ZRANB1: variants seen among roughly 807,000 people sequenced by gnomAD.
ZRANB1 encodes ubiquitin thioesterase ZRANB1.
In ZRANB1, 16 loss-of-function variants were observed where a neutral mutation model predicts 80.5. The observed-to-expected ratio is 0.20, with a 90% CI of 0.13 to 0.30. The LOEUF is 0.30. ZRANB1 is among the 10% of genes least tolerant of loss of function. ZRANB1 has a pLI of 1.00. For missense variants in ZRANB1, 576 were observed against 862.6 expected, an observed-to-expected ratio of 0.67 and a Z score of 4.16; for synonymous variants, 291 against 293.1, an observed-to-expected ratio of 0.99 and a Z score of 0.07.
At chr10:124,928,022 G>A in the ZRANB1 span, among the ~76,000 whole-genome samples, 1 of 152,184 alleles carries the variant, frequency 6.6e-6, no homozygotes, top group Non-Finnish European at 1.5e-5. Flanking sequence ...GGGTGATAGA[G>A]CAAGACTGTC....
At chr10:124,931,862 G>A in the ZRANB1 span, among the ~76,000 whole-genome samples, 5 of 152,070 alleles carry the variant, frequency 3.3e-5, no homozygotes, top group Admixed American at 3.3e-4. Context: ...ATTTACAGTA[G>A]GATTCACTCT....
At chr10:124,961,025 A>C (rs1234626173) in intron 1 of ZRANB1, among the ~76,000 whole-genome samples, 1 of 150,466 alleles carries the variant, frequency 6.6e-6, no homozygotes, top group South Asian at 2.1e-4. Flanking sequence ...TTTTAGACAG[A>C]GTTTCGCTCT....
At chr10:124,957,803 T>A (rs1402584103) in intron 1 of ZRANB1, among the ~76,000 whole-genome samples, 1 of 152,126 alleles carries the variant, frequency 6.6e-6, no homozygotes, top group East Asian at 1.9e-4. Flanking sequence ...CTGCGCTTGC[T>A]GCACCCTCTG....
At chr10:124,922,585 C>T in the ZRANB1 span, among the ~76,000 whole-genome samples, 43 of 151,444 alleles carry the variant, frequency 2.8e-4, no homozygotes, top group African/African-American at 9.7e-4. Flanking sequence ...CTCCACCACC[C>T]GGCTTGAAGT....
chr10:124,976,640 C>T (rs1365905756), intron 5 of ZRANB1, among the ~76,000 whole-genome samples: 2 of 136,964 alleles, frequency 1.5e-5, no homozygotes, highest in Non-Finnish European at 3.0e-5. Context: ...GGCATGATCT[C>T]GGCTCACTGC....
At position 124,981,839 on chromosome 10, in the gene ZRANB1, C is replaced by T. The variant is rs759608962; in HGVS notation, c.1548+10C>T. On this transcript the variant is annotated intron_variant, in intron 6 of 8. Coordinates refer to ENST00000359653, the MANE Select transcript of ZRANB1 (RefSeq NM_017580.3). ...CTCTCTTGCTAGTCAGGTGAGGATG[C>T]TTCAAGTCTTGTTGCTTCTATGAGA... is the stretch of plus-strand genomic sequence containing the variant. 10 of 1,612,510 alleles carry T rather than the reference C, an allele frequency of 6.2e-6. No homozygotes were observed. Among genetic ancestry groups the T allele is most frequent in the Non-Finnish European group, 8.5e-6 (10 of 1,179,536 alleles).
intron 2 of ZRANB1, 117 bp from the exon 3 acceptor site, chr10:124,971,848 A>C (rs1034261885): frequency 1.5e-5 from 14 of 943,414 alleles, no homozygotes; most frequent in Admixed American, 2.9e-5. Context: ...AGTGTATTTT[A>C]AGATTAAAGA....
At position 124,942,272 on chromosome 10, in the gene ZRANB1, TGAGAA is replaced by T; in HGVS notation, c.-221_-217del. 5 of 1,370,732 alleles carry T rather than the reference TGAGAA, an allele frequency of 3.6e-6. No homozygotes were observed. The highest frequency in any genetic ancestry group is 1.5e-5 in the African/African-American group (1 of 68,720). 84.9% of individuals were successfully genotyped at this position (1,370,732 alleles called of 1,614,324 possible). A position where few individuals can be genotyped will look rare whatever the true frequency, so the allele number is the denominator to read the frequency against. On this transcript the variant is annotated 5_prime_UTR_variant, in exon 1 of 9. Coordinates refer to ENST00000359653, the MANE Select transcript of ZRANB1 (RefSeq NM_017580.3). ...ATCCCAGGGTCTAAGATTTTTTCTTTGAGAATTTATCTCCAGTGTTTCTATGGAAA... is the reference window on the plus strand; with the variant it reads ...ATCCCAGGGTCTAAGATTTTTTCTTTTTTATCTCCAGTGTTTCTATGGAAA...
chr10:124,936,599 G>A, the ZRANB1 span, among the ~76,000 whole-genome samples: 1 of 152,170 alleles, frequency 6.6e-6, no homozygotes, highest in Non-Finnish European at 1.5e-5. Context: ...TCACGATCCT[G>A]GTCTAGACCG....
In ZRANB1 at chr10:124,971,985, G is replaced by A. The variant is rs1257886903; in HGVS notation, c.1023G>A (p.Lys341=). ...LLTEVSQQAA[K]CIPAMVCPEL... is the part of the protein sequence containing the mutation. ...TTAAGGTGTCTCAACAAGCAGCAAA[G>A]TGTATTCCAGCAATGGTGTGTCCTG... Residue 341 remains lysine (K), a synonymous_variant, in exon 3 of 9, where the codon AAG becomes AAA. Coordinates refer to ENST00000359653, the MANE Select transcript of ZRANB1 (RefSeq NM_017580.3). 5.0e-6 allele frequency: 8 copies of A among 1,603,808 alleles called. No individual in the cohort carries two copies. Among genetic ancestry groups the A allele is most frequent in the African/African-American group, 2.7e-5 (2 of 74,600 alleles).
chr10:124,964,317 C>T (rs1004448528), intron 1 of ZRANB1, among the ~76,000 whole-genome samples: 1 of 152,178 alleles, frequency 6.6e-6, no homozygotes, highest in Non-Finnish European at 1.5e-5. Context: ...ATGTAGTCTG[C>T]ACCCCACCCC....
At chr10:124,967,710 G>GTA (rs1951787967) in intron 2 of ZRANB1, among the ~76,000 whole-genome samples, 1 of 152,004 alleles carries the variant, frequency 6.6e-6, no homozygotes, top group Non-Finnish European at 1.5e-5. Flanking sequence ...ATGGGAAGAG[G>GTA]GTTAGAGGGT....
intron 2 of ZRANB1, among the ~76,000 whole-genome samples, chr10:124,971,251 G>A (rs942922111): frequency 1.3e-5 from 2 of 152,190 alleles, no homozygotes; most frequent in African/African-American, 4.8e-5. Flanking sequence ...TGCAACATTT[G>A]TTGCTATTTA....
chr10:124,987,186 T>C lies in ZRANB1; in HGVS notation c.*2194T>C, dbSNP rs1473339058. 6.8e-6 allele frequency: 1 copy of C among 146,102 alleles called. No homozygotes were observed. The highest frequency in any genetic ancestry group is 1.5e-5 in the Non-Finnish European group (1 of 66,320). 9.1% of individuals were successfully genotyped at this position (146,102 alleles called of 1,614,324 possible). A position where few individuals can be genotyped will look rare whatever the true frequency, so the allele number is the denominator to read the frequency against. On this transcript the variant is annotated 3_prime_UTR_variant, in exon 9 of 9. Coordinates refer to ENST00000359653, the MANE Select transcript of ZRANB1 (RefSeq NM_017580.3). ...ACTATTAAAACAGCCATAATTATTG[T>C]CCCAAGATAGAATATAGTCCTTTTT... is the stretch of plus-strand genomic sequence containing the variant.
chr10:124,940,393 C>A, upstream of ZRANB1: 2 of 695,528 alleles, frequency 2.9e-6, no homozygotes, highest in Non-Finnish European at 4.2e-6. Context: ...TTCAGTCAGA[C>A]AGAACCACTT....
chr10:124,940,643 G>A, upstream of ZRANB1: 9 of 722,260 alleles, frequency 1.2e-5, no homozygotes, highest in African/African-American at 1.9e-5. Context: ...ATGGTGTATG[G>A]ACTTGGCAGG....
chr10:124,944,540 C>A (rs563350115), intron 1 of ZRANB1, among the ~76,000 whole-genome samples: 4 of 129,840 alleles, frequency 3.1e-5, no homozygotes, highest in Non-Finnish European at 6.2e-5. Flanking sequence ...GGCTAGAGGG[C>A]AGTGATGCAA....
At chr10:124,978,577 C>T (rs1161691193) in intron 5 of ZRANB1, among the ~76,000 whole-genome samples, 1 of 151,724 alleles carries the variant, frequency 6.6e-6, no homozygotes, top group African/African-American at 2.4e-5. Flanking sequence ...CAGGTGGAGG[C>T]GTTTAATGTT....
rs192236053 is a variant in ZRANB1 at position 124,952,843 on chromosome 10, C to T, written c.814+9536C>T. Among the ~76,000 whole-genome samples, 7 of 152,270 alleles carry T rather than the reference C, an allele frequency of 4.6e-5. No homozygotes were observed. The East Asian group carries it at 1.4e-3, about 29-fold the overall frequency. ...CAGGCTAGTCTCGAACTCCTAACCT[C>T]AGGTGATCTGTCCACCTTGGCTTCC... On this transcript the variant is annotated intron_variant, in intron 1 of 8. Coordinates refer to ENST00000359653, the MANE Select transcript of ZRANB1 (RefSeq NM_017580.3).
Sources: gnomAD v4.1 joint callset for allele counts (sites outside exome capture counted in the v4.1 genomes callset) on GRCh38, gnomAD v4.1.1 for gene constraint, MANE v1.5 for transcripts, NCBI Gene and HGNC (gene_info 2026-07-23, HGNC 2026-07-21) for gene names.